The following PTPN13 variants were observed in gnomAD, a reference collection of about 807,000 sequenced individuals.
PTPN13 encodes protein tyrosine phosphatase non-receptor type 13, also known as tyrosine-protein phosphatase non-receptor type 13.
Under a neutral mutation model 284.0 loss-of-function variants are expected in PTPN13, and 191 were observed. The observed-to-expected ratio is 0.67, with a 90% CI of 0.60 to 0.76. The LOEUF (loss-of-function observed/expected upper bound fraction) is 0.76, where lower values mean the gene tolerates loss of function less well. Among genes scored for constraint, PTPN13 ranks in the 30% least tolerant of loss-of-function variants. The probability of loss-of-function intolerance (pLI) is 0.00; values close to 1 mark genes in which losing one functional copy is unlikely to be tolerated. For missense variants in PTPN13, 2,797 were observed against 2,939.9 expected (o/e 0.95, Z 1.12); for synonymous variants, 986 against 1,022.3 (o/e 0.96, Z 0.68).
At chr4:86,804,005 A>G (rs1744371372) in intron 43 of PTPN13, 148 bp downstream of exon 43, 3 of 782,966 alleles carry the variant, frequency 3.8e-6, no homozygotes, top group Non-Finnish European at 5.9e-6. Context: ...CAGAAAATTA[A>G]TTTTTCTGAT....
At chr4:86,609,567 T>C (rs983671026) in intron 1 of PTPN13, among the ~76,000 whole-genome samples, 1 of 152,214 alleles carries the variant, frequency 6.6e-6, no homozygotes, top group Admixed American at 6.5e-5. Flanking sequence ...TAAAAGCTCT[T>C]GGCTTTTGAA....
intron 7 of PTPN13, among the ~76,000 whole-genome samples, chr4:86,713,285 A>T (rs1578474314): frequency 6.6e-6 from 1 of 152,130 alleles, no homozygotes. Context: ...TCCCTTAAAA[A>T]TTTAGCATGA....
chr4:86,736,840 G>A (rs546969091), intron 15 of PTPN13, among the ~76,000 whole-genome samples: 1 of 152,100 alleles, frequency 6.6e-6, no homozygotes, highest in Non-Finnish European at 1.5e-5. Context: ...CATGCCTAAG[G>A]AATATTAGGT....
At chr4:86,716,748 T>C (rs1054228442) in intron 8 of PTPN13, 123 bp downstream of exon 8, 1 of 801,414 alleles carries the variant, frequency 1.2e-6, no homozygotes. Flanking sequence ...TTGAAAAATT[T>C]AAAAAAGCTG....
intron 42 of PTPN13, among the ~76,000 whole-genome samples, chr4:86,803,367 G>C (rs1473183613): frequency 6.6e-6 from 1 of 151,846 alleles, no homozygotes; most frequent in Non-Finnish European, 1.5e-5. Context: ...AAGACAGGAG[G>C]ATCACTTGAG....
chr4:86,616,723 C>T (rs914997398), intron 1 of PTPN13, among the ~76,000 whole-genome samples: 2 of 152,172 alleles, frequency 1.3e-5, no homozygotes, highest in African/African-American at 4.8e-5. Flanking sequence ...TCCCCCTTCT[C>T]CTTCTAAGCT....
At chr4:86,673,695 T>C (rs1727960389) in intron 3 of PTPN13, among the ~76,000 whole-genome samples, 1 of 152,140 alleles carries the variant, frequency 6.6e-6, no homozygotes, top group Non-Finnish European at 1.5e-5. Context: ...GAGTCTCTAA[T>C]TGGGGAGTTG....
intron 2 of PTPN13, among the ~76,000 whole-genome samples, chr4:86,639,012 C>T (rs1287093181): frequency 1.3e-5 from 2 of 151,682 alleles, no homozygotes; most frequent in African/African-American, 2.4e-5. Context: ...AAAAAGTGGG[C>T]AAAGGATATG....
In PTPN13 at chr4:86,701,297, A is replaced by T. The variant is rs1731128926; in HGVS notation, c.691A>T (p.Thr231Ser). Residue 231 changes from threonine to serine, a missense_variant, in exon 7 of 48, where the codon ACC becomes TCC. Thr to Ser is a moderately conservative substitution (Grantham distance 58). Coordinates refer to ENST00000411767, the MANE Select transcript of PTPN13 (RefSeq NM_080683.3). ...DIQKPPLSHQTFLNKGLSKSM... is the reference protein window; with the variant it reads ...DIQKPPLSHQSFLNKGLSKSM... Reference sequence around the variant, plus strand: ...ACAAAAGCCTCCACTCTCTCATCAGACCTTTCTTAACAAAGGGCTTAGTAA... The same window carrying T: ...ACAAAAGCCTCCACTCTCTCATCAGTCCTTTCTTAACAAAGGGCTTAGTAA... 1 of 1,611,246 alleles carries T rather than the reference A, an allele frequency of 6.2e-7. No homozygotes were observed.
chr4:86,764,713 AT>A lies in PTPN13; in HGVS notation c.4139del (p.Ile1380LysfsTer7). 1 of 1,606,842 alleles carries A rather than the reference AT, an allele frequency of 6.2e-7. No individual in the cohort carries two copies. Among genetic ancestry groups the A allele is most frequent in the Non-Finnish European group, 8.5e-7 (1 of 1,178,242 alleles). On this transcript the variant is annotated frameshift_variant, in exon 25 of 48. Transcript: ENST00000411767. LOFTEE classifies it high-confidence loss of function. ...ELAKNDNSLG[I>X]SVTGGVNTSV... ...GGCTAAAAATGATAACAGCTTGGGG[AT>A]AAGTGTCACGGTACTGTTTGACAAG...
chr4:86,758,849 C>T (rs973869557), intron 22 of PTPN13, 64 bp downstream of exon 22: 4 of 1,584,958 alleles, frequency 2.5e-6, no homozygotes, highest in Non-Finnish European at 3.4e-6. Context: ...GAACTTAGGC[C>T]AAACTAAAAT....
chr4:86,734,579 A>G (rs949180881), intron 13 of PTPN13, 123 bp downstream of exon 13: 5 of 1,266,166 alleles, frequency 3.9e-6, no homozygotes, highest in South Asian at 3.5e-5. Context: ...TAAAAGTAAT[A>G]TTTCTTTCAA....
chr4:86,673,294 G>T (rs139713753), intron 3 of PTPN13, among the ~76,000 whole-genome samples: 18 of 152,302 alleles, frequency 1.2e-4, no homozygotes, highest in African/African-American at 3.6e-4. Flanking sequence ...TTAATTTTTA[G>T]TGTAGAATGA....
chr4:86,736,817 T>C (rs545239197), intron 15 of PTPN13, among the ~76,000 whole-genome samples: 1 of 152,344 alleles, frequency 6.6e-6, no homozygotes, highest in Non-Finnish European at 1.5e-5. Flanking sequence ...CTCAGTTTTC[T>C]CCTTGTAAAT....
At chr4:86,760,019 T>C (rs1276960452) in intron 23 of PTPN13, among the ~76,000 whole-genome samples, 2 of 152,152 alleles carry the variant, frequency 1.3e-5, no homozygotes, top group Non-Finnish European at 2.9e-5. Context: ...TATGATAAAA[T>C]AGAAGATGAA....
chr4:86,627,508 G>GT lies in PTPN13; in HGVS notation c.-5-7733dup, dbSNP rs35106750. Among the ~76,000 whole-genome samples the GT allele has an allele frequency of 4.3e-3, 635 of 147,382 alleles. 1 individual carries two copies. Among genetic ancestry groups the GT allele is most frequent in the African/African-American group, 0.012 (497 of 40,254 alleles). ...CACCTTTGATTGGGTTTAGTTTTTG[G>GT]TTTTTTTTTTTCTTTTTAACAGCTT... On this transcript the variant is annotated intron_variant, in intron 1 of 47. Transcript: ENST00000411767.
At chr4:86,722,713 AG>A (rs553628439) in intron 10 of PTPN13, among the ~76,000 whole-genome samples, 513 of 152,322 alleles carry the variant, frequency 3.4e-3, no homozygotes, top group Non-Finnish European at 6.4e-3. Context: ...AAAGTTAACT[AG>A]CTATCTTCAT....
chr4:86,813,013 G>C (rs1170672557), intron 47 of PTPN13, among the ~76,000 whole-genome samples: 2 of 152,088 alleles, frequency 1.3e-5, no homozygotes, highest in Admixed American at 1.3e-4. Context: ...TTTGCTAATG[G>C]GTTGTATGTG....
In PTPN13 at chr4:86,771,164, A is replaced by G. The variant is rs369366410; in HGVS notation, c.4804-7A>G. The G allele has an allele frequency of 2.5e-6, 4 of 1,598,726 alleles. No individual in the cohort carries two copies. Among genetic ancestry groups the G allele is most frequent in the Middle Eastern group, 1.7e-4 (1 of 5,994 alleles). On this transcript the variant is annotated splice_region_variant and splice_polypyrimidine_tract_variant and intron_variant, in intron 30 of 47. Transcript: ENST00000411767. ...GTCACAAATCTCTTTAAATGTGTCC[A>G]TTACAGACCCCACTTCAGTCTCCAG...
Sources: allele counts gnomAD v4.1 joint callset (sites outside exome capture counted in the v4.1 genomes callset), GRCh38; gene constraint gnomAD v4.1.1; transcripts MANE v1.5; gene names NCBI Gene and HGNC (gene_info 2026-07-23, HGNC 2026-07-21).